The following KHDRBS2 variants were observed in gnomAD, a reference collection of about 807,000 sequenced individuals.
KHDRBS2 encodes the protein KH domain-containing, RNA-binding, signal transduction-associated protein 2.
A neutral mutation model predicts 44.3 loss-of-function variants in KHDRBS2; 26 were observed. That is an observed-to-expected ratio of 0.59 (90% confidence interval 0.43 to 0.81). The LOEUF (loss-of-function observed/expected upper bound fraction) is 0.81, where lower values mean the gene tolerates loss of function less well. Ranked by LOEUF, KHDRBS2 falls within the 40% of genes least tolerant of loss-of-function variation. KHDRBS2 has a pLI of 0.00. For missense variants in KHDRBS2, 476 were observed against 433.1 expected (o/e 1.10, Z -0.88); for synonymous variants, 194 against 151.1 (o/e 1.28, Z -2.08).
At chr6:61,570,454 C>T in the KHDRBS2 span, among the ~76,000 whole-genome samples, 4 of 151,892 alleles carry the variant, frequency 2.6e-5, no homozygotes, top group South Asian at 2.1e-4. Flanking sequence ...ACTGTTGTTC[C>T]TGAAAAAGAA....
At chr6:61,845,512 T>C (rs1300384177) in intron 6 of KHDRBS2, among the ~76,000 whole-genome samples, 5 of 152,176 alleles carry the variant, frequency 3.3e-5, no homozygotes, top group Admixed American at 6.5e-5. Flanking sequence ...GTTTCACCCA[T>C]GTTGGCCAGG....
At chr6:61,573,583 A>T in the KHDRBS2 span, among the ~76,000 whole-genome samples, 1 of 152,234 alleles carries the variant, frequency 6.6e-6, no homozygotes, top group Non-Finnish European at 1.5e-5. Context: ...TGAGTTCAGG[A>T]GTTTGAGATC....
At chr6:61,576,526 C>T in the KHDRBS2 span, among the ~76,000 whole-genome samples, 2 of 152,026 alleles carry the variant, frequency 1.3e-5, no homozygotes, top group Non-Finnish European at 2.9e-5. Context: ...GAATTAACTT[C>T]TTTTTCAATT....
chr6:61,691,128 C>T (rs189140979), intron 8 of KHDRBS2, among the ~76,000 whole-genome samples: 172 of 152,054 alleles, frequency 1.1e-3, no homozygotes, highest in African/African-American at 4.0e-3. Context: ...TGTGTAATCA[C>T]GGTTAATAAT....
intron 1 of KHDRBS2, among the ~76,000 whole-genome samples, chr6:62,182,465 G>T (rs1384912398): frequency 6.6e-6 from 1 of 151,456 alleles, no homozygotes; most frequent in African/African-American, 2.4e-5. Context: ...TGTATTAAGT[G>T]TTTTACCACA....
chr6:61,951,194 G>A (rs1361257303), intron 4 of KHDRBS2, among the ~76,000 whole-genome samples: 1 of 152,012 alleles, frequency 6.6e-6, no homozygotes, highest in African/African-American at 2.4e-5. Context: ...GTGCAGATTT[G>A]TCACACCAAG....
At chr6:62,206,781 C>T (rs987158459) in intron 1 of KHDRBS2, among the ~76,000 whole-genome samples, 5 of 151,908 alleles carry the variant, frequency 3.3e-5, no homozygotes, top group Admixed American at 1.3e-4. Context: ...ATGACTCTTA[C>T]GTGGACAGTA....
chr6:61,732,014 C>T (rs1409438860), intron 7 of KHDRBS2, among the ~76,000 whole-genome samples: 1 of 152,030 alleles, frequency 6.6e-6, no homozygotes, highest in Non-Finnish European at 1.5e-5. Flanking sequence ...CATGAAGAAG[C>T]ATTTTTGGAT....
chr6:61,846,021 A>T (rs1265106013), intron 6 of KHDRBS2, among the ~76,000 whole-genome samples: 1 of 151,622 alleles, frequency 6.6e-6, no homozygotes, highest in Non-Finnish European at 1.5e-5. Flanking sequence ...AGTGTGTGGC[A>T]CCTCTCTCTC....
rs138128237 is a variant in KHDRBS2, at chr6:62,154,498, GA to G, written c.219+22686del. Among the ~76,000 whole-genome samples the G allele has an allele frequency of 2.6e-3, 400 of 151,918 alleles. 2 individuals are homozygous for G. The highest frequency in any genetic ancestry group is 3.4e-3 in the Non-Finnish European group (234 of 67,940). On this transcript the variant is annotated intron_variant, in intron 2 of 8. Coordinates refer to ENST00000281156, the MANE Select transcript of KHDRBS2 (RefSeq NM_152688.4). ...ATATAAGACCTGGTTTTTATCTATT[GA>G]AAAAAAGTAGGGTTCTGATTTATAA...
chr6:62,118,415 CTTT>C (rs1806802964), intron 2 of KHDRBS2, among the ~76,000 whole-genome samples: 1 of 151,938 alleles, frequency 6.6e-6, no homozygotes, highest in Non-Finnish European at 1.5e-5. Flanking sequence ...GGACTTTTTT[CTTT>C]TTTTATTGCT....
rs149516462 is a variant in KHDRBS2 at position 62,234,679 on chromosome 6, T to C, written c.91+51179A>G. On this transcript the variant is annotated intron_variant, in intron 1 of 8. Transcript: ENST00000281156. ...GGCCTTAATTTCATCAAATACCTAA[T>C]GTCCATTTAGCACTGACTACCTCAT... Among the ~76,000 whole-genome samples, 112 of 152,198 alleles carry C rather than the reference T, an allele frequency of 7.4e-4. 1 individual carries two copies. The highest frequency in any genetic ancestry group is 2.5e-3 in the African/African-American group (103 of 41,576).
intron 1 of KHDRBS2, among the ~76,000 whole-genome samples, chr6:62,237,005 C>T (rs2150163647): frequency 6.6e-6 from 1 of 152,198 alleles, no homozygotes; most frequent in Non-Finnish European, 1.5e-5. Context: ...CAATAACTAT[C>T]TTGTCCTGAA....
At chr6:61,568,946 C>A in the KHDRBS2 span, among the ~76,000 whole-genome samples, 2 of 152,174 alleles carry the variant, frequency 1.3e-5, no homozygotes, top group African/African-American at 2.4e-5. Flanking sequence ...GGAACTACTG[C>A]AGATATAAGC....
chr6:61,636,673 C>T, the KHDRBS2 span, among the ~76,000 whole-genome samples: 2,416 of 152,164 alleles, frequency 0.016, 65 homozygotes, highest in African/African-American at 0.056. Context: ...ACAATATATA[C>T]GATGGCTCTC....
At chr6:61,757,670 C>G (rs538402791) in intron 6 of KHDRBS2, among the ~76,000 whole-genome samples, 5 of 152,126 alleles carry the variant, frequency 3.3e-5, no homozygotes, top group Non-Finnish European at 4.4e-5. Context: ...CTTTTTCTGA[C>G]TTCTTTTGGA....
In KHDRBS2 at chr6:62,096,904, G is replaced by A. The variant is rs1485322424; in HGVS notation, c.220-48910C>T. Among the ~76,000 whole-genome samples the A allele has an allele frequency of 2.0e-5, 3 of 151,722 alleles. No homozygotes were observed. In the East Asian group the frequency reaches 5.8e-4, roughly 29 times the overall value. On this transcript the variant is annotated intron_variant, in intron 2 of 8. Coordinates refer to ENST00000281156, the MANE Select transcript of KHDRBS2 (RefSeq NM_152688.4). ...ACCTAAGTGAATGCTATAATTTTGG[G>A]AGTACTATAGATTTGGGAAGGATGT...
At chr6:61,843,519 C>A (rs575888976) in intron 6 of KHDRBS2, among the ~76,000 whole-genome samples, 1 of 151,744 alleles carries the variant, frequency 6.6e-6, no homozygotes, top group African/African-American at 2.4e-5. Context: ...CATGTACCCC[C>A]ACACCTGGCT....
intron 4 of KHDRBS2, among the ~76,000 whole-genome samples, chr6:61,962,169 C>G (rs1451343435): frequency 6.6e-6 from 1 of 151,992 alleles, no homozygotes; most frequent in Non-Finnish European, 1.5e-5. Context: ...TTTATAATCT[C>G]TGGCAGAAGT....
Sources: allele counts gnomAD v4.1 joint callset (sites outside exome capture counted in the v4.1 genomes callset), GRCh38; gene constraint gnomAD v4.1.1; transcripts MANE v1.5; gene names NCBI Gene and HGNC (gene_info 2026-07-23, HGNC 2026-07-21).